The following EPHB4 variants were observed in gnomAD, a reference collection of about 807,000 sequenced individuals.
The protein encoded by EPHB4 is EPH receptor B4.
In EPHB4, 50 loss-of-function variants were observed where a neutral mutation model predicts 110.6. The observed-to-expected ratio is 0.45, with a 90% CI of 0.36 to 0.57. The LOEUF (loss-of-function observed/expected upper bound fraction) is 0.57. Ranked by LOEUF, EPHB4 falls within the 20% of genes least tolerant of loss-of-function variation. EPHB4 has a pLI of 0.00. For missense variants in EPHB4, 1,128 were observed against 1,382.1 expected (o/e 0.82, Z 2.91); for synonymous variants, 592 against 578.4 (o/e 1.02, Z -0.34).
chr7:100,819,577 T>C lies in EPHB4; in HGVS notation c.1277A>G (p.Asn426Ser), dbSNP rs376809512. ...CTCACCCTCTCGGTCAGTGGTGACA[T>C]TGACAGGCTCAAATGGGACGGGCCC... The part of the protein sequence containing the change: ...ATGPVPFEPV[N>S]VTTDREVPPA... The change falls in exon 6 of 17, where the codon AAT becomes AGT. Residue 426 changes from asparagine (N) to serine (S), a missense_variant. Coordinates refer to ENST00000358173, the MANE Select transcript of EPHB4 (RefSeq NM_004444.5). 4.0e-5 allele frequency: 63 copies of C among 1,571,972 alleles called. No homozygotes were observed. Among genetic ancestry groups the C allele is most frequent in the African/African-American group, 9.5e-5 (7 of 74,054 alleles).
Position 100,805,437 on chromosome 7 carries a change from A to G in EPHB4, c.2678+64T>C, listed in dbSNP as rs564970825. On this transcript the variant is annotated intron_variant, in intron 15 of 16. Coordinates refer to ENST00000358173, the MANE Select transcript of EPHB4 (RefSeq NM_004444.5). ...CCTCCCACCCAACACCAATGAACGG[A>G]CACTTCTGGGCAAGGAGTGGGGGCA... 6.7e-5 allele frequency: 105 copies of G among 1,557,270 alleles called. No individual in the cohort carries two copies. In the African/African-American group the frequency reaches 1.4e-3, roughly 20 times the overall value.
intron 12 of EPHB4, 42 bp from the exon 13 acceptor site, chr7:100,807,622 C>CCCACCGTTCCCCCTCCCAT: frequency 6.3e-7 from 1 of 1,576,136 alleles, no homozygotes; most frequent in South Asian, 1.1e-5. Context: ...GGACAGCCCA[C>CCCACCGTTCCCCCTCCCAT]CCACCGTTCC....
At chr7:100,813,284 G>T in intron 10 of EPHB4, 76 bp from the exon 11 acceptor site, 2 of 940,232 alleles carry the variant, frequency 2.1e-6, no homozygotes, top group Non-Finnish European at 3.1e-6. Context: ...ATAGCTTTTA[G>T]CCCCAAACCC....
At chr7:100,812,566 G>A (rs752568837) in intron 12 of EPHB4, among the ~76,000 whole-genome samples, 181 bp downstream of exon 12, 1 of 152,188 alleles carries the variant, frequency 6.6e-6, no homozygotes, top group Non-Finnish European at 1.5e-5. Flanking sequence ...TCCAGCCTGG[G>A]CGACAGAGCG....
In EPHB4 at chr7:100,823,738, G is replaced by A. The variant is rs199871056; in HGVS notation, c.317C>T (p.Ser106Phe). Residue 106 changes from serine to phenylalanine, a missense_variant, in exon 3 of 17, where the codon TCC (serine) becomes TTC (phenylalanine). Transcript: ENST00000358173. ...ECLSLPRAGR[S>F]CKETFTVFYY... is the part of the protein sequence containing the mutation. Reference sequence around the variant, plus strand: ...GAAGACGGTGAAGGTCTCCTTGCAGGAGCGCCCAGCCCGAGGCAGGGACAG... The same window carrying A: ...GAAGACGGTGAAGGTCTCCTTGCAGAAGCGCCCAGCCCGAGGCAGGGACAG... 25 of 1,613,652 alleles carry A rather than the reference G, an allele frequency of 1.5e-5. No homozygotes were observed. The highest frequency in any genetic ancestry group is 4.4e-5 in the South Asian group (4 of 91,088).
At chr7:100,823,591 G>A (rs947050661) in intron 3 of EPHB4, 53 bp downstream of exon 3, 24 of 1,585,596 alleles carry the variant, frequency 1.5e-5, no homozygotes, top group African/African-American at 2.7e-5. Context: ...CCACGGGCCT[G>A]CTGGCTGGAA....
At chr7:100,826,299 G>C (rs142075243) in intron 1 of EPHB4, among the ~76,000 whole-genome samples, 1 of 151,798 alleles carries the variant, frequency 6.6e-6, no homozygotes, top group African/African-American at 2.4e-5. Flanking sequence ...GGCTGTGTAG[G>C]TCAGTTTCTA....
intron 6 of EPHB4, among the ~76,000 whole-genome samples, chr7:100,818,886 G>T (rs1813149671): frequency 2.0e-5 from 3 of 151,682 alleles, no homozygotes; most frequent in Admixed American, 1.3e-4. Flanking sequence ...AGTAGACATG[G>T]GGTTTCACCA....
chr7:100,823,592 C>G lies in EPHB4; in HGVS notation c.411+52G>C, dbSNP rs538889206. The G allele has an allele frequency of 4.2e-5, 66 of 1,586,472 alleles. 1 individual carries two copies. The East Asian group carries it at 1.5e-3, about 36-fold the overall frequency. On this transcript the variant is annotated intron_variant, in intron 3 of 16. Coordinates refer to ENST00000358173, the MANE Select transcript of EPHB4 (RefSeq NM_004444.5). ...GGCTGCCCTCCAGGCCACGGGCCTG[C>G]TGGCTGGAATCCCACCTTGGCTGTG...
intron 6 of EPHB4, among the ~76,000 whole-genome samples, 165 bp downstream of exon 6, chr7:100,819,392 G>A (rs558592550): frequency 9.2e-5 from 14 of 152,286 alleles, no homozygotes; most frequent in Middle Eastern, 3.4e-3. Context: ...TTACAGGCGT[G>A]AGCCACTGCG....
Position 100,824,198 on chromosome 7 carries a change from C to G in EPHB4, c.123+5G>C. ...AGAGCTCCAGCTCCTGGGTGCAGCT[C>G]TCACCTGCCCGTCCACCTGAGGGAA... On this transcript the variant is annotated splice_donor_5th_base_variant and intron_variant, in intron 2 of 16. Coordinates refer to ENST00000358173, the MANE Select transcript of EPHB4 (RefSeq NM_004444.5). The G allele has an allele frequency of 6.2e-7, 1 of 1,614,154 alleles. No homozygotes were observed. Among genetic ancestry groups the G allele is most frequent in the South Asian group, 1.1e-5 (1 of 91,082 alleles).
At position 100,827,439 on chromosome 7, in the gene EPHB4, G is replaced by T; in HGVS notation, c.-409C>A. ...TCGCGGGCGGGGATGGTGGGAGCCC[G>T]AGCGGGGACGGAGCGGGAGGGAGGG... On this transcript the variant is annotated 5_prime_UTR_variant, in exon 1 of 17. Transcript: ENST00000358173. The T allele has an allele frequency of 6.6e-6, 1 of 150,902 alleles. No individual in the cohort carries two copies. The highest frequency in any genetic ancestry group is 2.0e-4 in the South Asian group (1 of 4,986). 9.3% of individuals were successfully genotyped at this position (150,902 alleles called of 1,614,324 possible). A position where few individuals can be genotyped will look rare whatever the true frequency, so the allele number is the denominator to read the frequency against.
chr7:100,805,799 GC>G (rs1562966929), intron 14 of EPHB4, 105 bp from the exon 15 acceptor site: 1 of 1,151,978 alleles, frequency 8.7e-7, no homozygotes, highest in Non-Finnish European at 1.1e-6. Flanking sequence ...AGGAGCCACA[GC>G]CCCCCAAAAA....
chr7:100,816,356 CAG>C (rs1325781420), intron 8 of EPHB4, among the ~76,000 whole-genome samples: 1 of 149,818 alleles, frequency 6.7e-6, no homozygotes, highest in East Asian at 2.0e-4. Flanking sequence ...TTTTTTGAGA[CAG>C]AGTCTTGCTC....
rs1300439941 is a variant in EPHB4, at chr7:100,827,085, C to A, written c.-55G>T. 17 of 1,540,632 alleles carry A rather than the reference C, an allele frequency of 1.1e-5. No individual in the cohort carries two copies. In the Admixed American group the frequency reaches 3.2e-4, roughly 29 times the overall value. The stretch of plus-strand genomic sequence containing the variant: ...CTGAGTTTGGGGGGCCCTCGCCCCC[C>A]CAGGTCTGACTCTCCCTGGGCGGGT... On this transcript the variant is annotated 5_prime_UTR_variant, in exon 1 of 17. Coordinates refer to ENST00000358173, the MANE Select transcript of EPHB4 (RefSeq NM_004444.5).
Position 100,822,206 on chromosome 7 carries a change from C to G in EPHB4, c.808+65G>C. 1 of 1,497,894 alleles carries G rather than the reference C, an allele frequency of 6.7e-7. No individual in the cohort carries two copies. Among genetic ancestry groups the G allele is most frequent in the Non-Finnish European group, 8.9e-7 (1 of 1,124,298 alleles). The allele number at this position is 1,497,894 out of a possible 1,614,324, so 92.8% of individuals were successfully genotyped here. A position where few individuals can be genotyped will look rare whatever the true frequency, so the allele number is the denominator to read the frequency against. ...CAAAATGGAAACTTAAGAAGTGGGT[C>G]CTGAGTGGAGTTCAGGACTCTCCCC... is the stretch of plus-strand genomic sequence containing the variant. On this transcript the variant is annotated intron_variant, in intron 4 of 16. Coordinates refer to ENST00000358173, the MANE Select transcript of EPHB4 (RefSeq NM_004444.5). This position sits in a 1 kb window ranked among gnomAD's most constrained non-coding sequence, Gnocchi z 4.7.
chr7:100,803,243 C>T lies in EPHB4; in HGVS notation c.*218G>A. 1 of 480,552 alleles carries T rather than the reference C, an allele frequency of 2.1e-6. No individual in the cohort carries two copies. Among genetic ancestry groups the T allele is most frequent in the Non-Finnish European group, 3.5e-6 (1 of 284,330 alleles). 29.8% of individuals were successfully genotyped at this position (480,552 alleles called of 1,614,324 possible). On this transcript the variant is annotated 3_prime_UTR_variant, in exon 17 of 17. Coordinates refer to ENST00000358173, the MANE Select transcript of EPHB4 (RefSeq NM_004444.5). ...CACCCAGTCCTGAGGGAAAGGCGCC[C>T]TCACCCTTGGTCTGGAGTTCCCCGA...
chr7:100,825,559 C>T (rs1813361316), intron 1 of EPHB4: 1 of 152,378 alleles, frequency 6.6e-6, no homozygotes, highest in African/African-American at 2.4e-5. Flanking sequence ...ACTCTCTGTC[C>T]ACCTCCGTTT....
At chr7:100,808,152 C>T (rs1812855773) in intron 12 of EPHB4, among the ~76,000 whole-genome samples, 1 of 152,208 alleles carries the variant, frequency 6.6e-6, no homozygotes, top group Non-Finnish European at 1.5e-5. Flanking sequence ...AAAATTATTT[C>T]AACTTTTCCT....
Sources: gnomAD v4.1 joint callset for allele counts (sites outside exome capture counted in the v4.1 genomes callset) on GRCh38, gnomAD v4.1.1 for gene constraint, Gnocchi (gnomAD v3.1) non-coding constraint, MANE v1.5 for transcripts, NCBI Gene and HGNC (gene_info 2026-07-23, HGNC 2026-07-21) for gene names.